The following UNC13B variants were observed in gnomAD, a reference collection of about 807,000 sequenced individuals.
The protein encoded by UNC13B is unc-13 homolog B, also known as protein unc-13 homolog B.
In UNC13B, 144 loss-of-function variants were observed where a neutral mutation model predicts 211.0. That is an observed-to-expected ratio of 0.68 (90% CI 0.60 to 0.78). UNC13B has a LOEUF of 0.78. Ranked by LOEUF, UNC13B falls within the 30% of genes least tolerant of loss-of-function variation. The probability of loss-of-function intolerance (pLI) is 0.00; values close to 1 mark genes in which losing one functional copy is unlikely to be tolerated. For synonymous variants in UNC13B, 709 were observed against 725.8 expected, an observed-to-expected ratio of 0.98 and a Z score of 0.37; for missense variants, 1,777 against 2,002.0, an observed-to-expected ratio of 0.89 and a Z score of 2.14.
At chr9:35,172,430 T>C (rs1235842333) in intron 1 of UNC13B, among the ~76,000 whole-genome samples, 1 of 152,198 alleles carries the variant, frequency 6.6e-6, no homozygotes, top group East Asian at 1.9e-4. Context: ...TATCCAACTG[T>C]ATTTTTGTAC....
At position 35,403,159 on chromosome 9, in the gene UNC13B, T is replaced by C. The variant is rs752695573; in HGVS notation, c.12485-8T>C. On this transcript the variant is annotated splice_polypyrimidine_tract_variant and splice_region_variant and intron_variant, in intron 37 of 39. Transcript: ENST00000635942. ...CAATGGGGAATCATCTCTCCATTTG[T>C]CCCTCAGGGTCTGGTGTGGACGATC... 6.2e-7 allele frequency: 1 copy of C among 1,613,668 alleles called. No individual in the cohort carries two copies. Among genetic ancestry groups the C allele is most frequent in the Non-Finnish European group, 8.5e-7 (1 of 1,179,610 alleles).
chr9:35,216,749 G>A (rs1824271259), intron 1 of UNC13B, among the ~76,000 whole-genome samples: 1 of 152,130 alleles, frequency 6.6e-6, no homozygotes, highest in African/African-American at 2.4e-5. Context: ...AAAATAAAAT[G>A]TCAGACTTAA....
intron 6 of UNC13B, among the ~76,000 whole-genome samples, chr9:35,248,833 T>C (rs1465712164): frequency 1.3e-5 from 2 of 152,226 alleles, no homozygotes; most frequent in African/African-American, 4.8e-5. Context: ...GTATATTCTG[T>C]TGATTTGGGG....
rs573243546 is a variant in UNC13B at position 35,327,960 on chromosome 9, A to G, written c.9414+13971A>G. 1.6e-4 allele frequency among the ~76,000 whole-genome samples: 24 copies of G among 152,372 alleles called. 1 individual carries two copies. In the South Asian group the frequency reaches 4.8e-3, roughly 30 times the overall value. On this transcript the variant is annotated intron_variant, in intron 11 of 39. Transcript: ENST00000635942. ...GAATTCAAAAGATGAAGCTAAGTAGATGACAACAGTGATTTCTTTAGGAAT... is the reference window on the plus strand; with the variant it reads ...GAATTCAAAAGATGAAGCTAAGTAGGTGACAACAGTGATTTCTTTAGGAAT...
chr9:35,163,547 G>A (rs1432247705), intron 1 of UNC13B, among the ~76,000 whole-genome samples: 2 of 152,164 alleles, frequency 1.3e-5, no homozygotes, highest in Non-Finnish European at 2.9e-5. Context: ...CAGCAGCTGG[G>A]AATCTATTTA....
At chr9:35,349,132 G>A (rs764587654) in intron 11 of UNC13B, among the ~76,000 whole-genome samples, 1 of 152,006 alleles carries the variant, frequency 6.6e-6, no homozygotes, top group Non-Finnish European at 1.5e-5. Context: ...TGGCCAGGCT[G>A]GTCTCAAACT....
At chr9:35,377,900 A>G (rs1168141214) in intron 16 of UNC13B, among the ~76,000 whole-genome samples, 1 of 152,166 alleles carries the variant, frequency 6.6e-6, no homozygotes, top group Non-Finnish European at 1.5e-5. Flanking sequence ...AAACAACATG[A>G]ACCATAATAC....
chr9:35,375,335 T>C lies in UNC13B; in HGVS notation c.9615+134T>C, dbSNP rs1587723551. ...ACACATTGCTGATGAAAAAGATAGA[T>C]AGCATCAGGTGTTAGTTTTCCACAC... is the stretch of plus-strand genomic sequence containing the variant. On this transcript the variant is annotated intron_variant, in intron 14 of 39. Transcript: ENST00000635942. 4.3e-6 allele frequency: 4 copies of C among 932,352 alleles called. No homozygotes were observed. In the East Asian group the frequency reaches 1.0e-4, roughly 24 times the overall value. 57.8% of individuals were successfully genotyped at this position (932,352 alleles called of 1,614,324 possible). A position where few individuals can be genotyped will look rare whatever the true frequency, so the allele number is the denominator to read the frequency against.
At chr9:35,266,858 CT>C (rs751884246) in intron 7 of UNC13B, among the ~76,000 whole-genome samples, 1 of 152,180 alleles carries the variant, frequency 6.6e-6, no homozygotes, top group Non-Finnish European at 1.5e-5. Flanking sequence ...TTTAGGCTGA[CT>C]TGTGCCCATT....
At chr9:35,187,691 G>C (rs1300288363) in intron 1 of UNC13B, among the ~76,000 whole-genome samples, 1 of 152,190 alleles carries the variant, frequency 6.6e-6, no homozygotes, top group East Asian at 1.9e-4. Flanking sequence ...AAACCTCTTA[G>C]AGCTGAACCC....
intron 6 of UNC13B, among the ~76,000 whole-genome samples, chr9:35,249,684 C>T (rs1826340362): frequency 6.6e-6 from 1 of 152,142 alleles, no homozygotes; most frequent in Non-Finnish European, 1.5e-5. Flanking sequence ...ATATTGGCCC[C>T]CACTCTCTTC....
At chr9:35,260,159 A>C (rs1697006246) in intron 7 of UNC13B, among the ~76,000 whole-genome samples, 1 of 151,264 alleles carries the variant, frequency 6.6e-6, no homozygotes, top group African/African-American at 2.4e-5. Flanking sequence ...GTAGTGAGCT[A>C]TGATTGTGCC....
Position 35,382,349 on chromosome 9 carries a change from T to C in UNC13B, c.10656-8T>C. The C allele has an allele frequency of 6.2e-7, 1 of 1,609,390 alleles. No individual in the cohort carries two copies. The highest frequency in any genetic ancestry group is 8.5e-7 in the Non-Finnish European group (1 of 1,178,274). ...AGTCTTTGAGGCTGCGGGTGCTGTG[T>C]TTTTCAGGCACTTTGCATGTTTATC... On this transcript the variant is annotated splice_region_variant and splice_polypyrimidine_tract_variant and intron_variant, in intron 20 of 39. Transcript: ENST00000635942.
In UNC13B at chr9:35,237,804, T is replaced by C; in HGVS notation, c.372T>C (p.Asp124=). 1 of 1,613,250 alleles carries C rather than the reference T, an allele frequency of 6.2e-7. No individual in the cohort carries two copies. Among genetic ancestry groups the C allele is most frequent in the Non-Finnish European group, 8.5e-7 (1 of 1,179,806 alleles). The change falls in exon 5 of 40, where the codon GAT becomes GAC. Residue 124 remains aspartate (D), a synonymous_variant. Coordinates refer to ENST00000635942, the MANE Select transcript of UNC13B (RefSeq NM_001371189.2). ...CAACTCCTCATAAAATTTTGCTTGATACAAGATTTGAGTTGCCTTTTGGTG... is the reference window on the plus strand; with the variant it reads ...CAACTCCTCATAAAATTTTGCTTGACACAAGATTTGAGTTGCCTTTTGGTG... ...RNPTPHKILL[D]TRFELPFDIP... is the part of the protein sequence containing the mutation.
chr9:35,398,755 A>T, intron 32 of UNC13B, 113 bp downstream of exon 32: 3 of 1,553,330 alleles, frequency 1.9e-6, no homozygotes, highest in South Asian at 2.4e-5. Flanking sequence ...TCTTCCCTGT[A>T]CTCCTGCTGA....
chr9:35,215,097 G>T (rs10972382), intron 1 of UNC13B, among the ~76,000 whole-genome samples: 21,052 of 152,192 alleles, frequency 0.14, 1,701 homozygotes, highest in Admixed American at 0.24. Flanking sequence ...TAGAACAGTT[G>T]TTAAACATGA....
intron 1 of UNC13B, among the ~76,000 whole-genome samples, chr9:35,169,984 C>T (rs917742881): frequency 2.6e-5 from 4 of 152,066 alleles, no homozygotes; most frequent in East Asian, 3.9e-4. Flanking sequence ...TAAGAGGCCA[C>T]GGAATCTAGA....
intron 11 of UNC13B, chr9:35,364,592 G>A (rs1345847275): frequency 1.4e-5 from 21 of 1,534,964 alleles, no homozygotes; most frequent in Middle Eastern, 3.3e-4. Flanking sequence ...CCTTTGGGTC[G>A]TCCTTTTTTG....
chr9:35,265,612 G>A (rs1171632634), intron 7 of UNC13B, among the ~76,000 whole-genome samples: 2 of 152,004 alleles, frequency 1.3e-5, no homozygotes, highest in African/African-American at 4.8e-5. Flanking sequence ...CTAGGATATG[G>A]GATTGTGGCC....
Sources: allele counts gnomAD v4.1 joint callset (sites outside exome capture counted in the v4.1 genomes callset), GRCh38; gene constraint gnomAD v4.1.1; transcripts MANE v1.5; gene names NCBI Gene and HGNC (gene_info 2026-07-23, HGNC 2026-07-21).